The following PNPLA8 variants were observed in gnomAD, a reference collection of about 807,000 sequenced individuals.
PNPLA8 encodes patatin like domain 8, phospholipase A2, also known as calcium-independent phospholipase A2-gamma.
In PNPLA8, 39 loss-of-function variants were observed where a neutral mutation model predicts 76.9. The ratio of observed to expected loss-of-function variants is 0.51; its 90% CI spans 0.39 to 0.66. The LOEUF is 0.66. Ranked by LOEUF, PNPLA8 falls within the 30% of genes least tolerant of loss-of-function variation. The pLI is 0.00. For missense variants in PNPLA8, 887 were observed against 918.0 expected, an observed-to-expected ratio of 0.97 and a Z score of 0.44; for synonymous variants, 301 against 307.9, an observed-to-expected ratio of 0.98 and a Z score of 0.24.
chr7:108,477,984 C>A lies in PNPLA8; in HGVS notation c.2074+1200G>T, dbSNP rs1262678308. ...AGCAAACTGGGTAAGTCAAAGTAAA[C>A]TGGATAAATTCTTGCCTTGCATTCT... On this transcript the variant is annotated intron_variant, in intron 10 of 10. Coordinates refer to ENST00000257694, the MANE Select transcript of PNPLA8 (RefSeq NM_001256007.3). Among the ~76,000 whole-genome samples the A allele has an allele frequency of 2.0e-5, 3 of 152,242 alleles. No individual in the cohort carries two copies. In the East Asian group the frequency reaches 5.8e-4, roughly 29 times the overall value.
Position 108,502,564 on chromosome 7 carries a change from C to T in PNPLA8, c.1285G>A (p.Ala429Thr). 6.2e-7 allele frequency: 1 copy of T among 1,612,328 alleles called. No individual in the cohort carries two copies. The highest frequency in any genetic ancestry group is 8.5e-7 in the Non-Finnish European group (1 of 1,178,814). The change falls in exon 5 of 11, where the codon GCC (alanine) becomes ACC (threonine). Residue 429 changes from alanine (A) to threonine (T), a missense_variant. By Grantham distance (58) the Ala-to-Thr change is moderately conservative. Coordinates refer to ENST00000257694, the MANE Select transcript of PNPLA8 (RefSeq NM_001256007.3). ...ACTGGATCCACATAGCCAATTAGGG[C>T]CAAAATTTCTCTAACTGCAGCCTGA... ...TLQAAVREIL[A>T]LIGYVDPVKG...
chr7:108,526,006 C>G, intron 1 of PNPLA8, 23 bp downstream of exon 1: 2 of 972,632 alleles, frequency 2.1e-6, no homozygotes, highest in Non-Finnish European at 2.4e-6. Context: ...TCGTCCCGCC[C>G]CTGTCCCCTC....
intron 9 of PNPLA8, among the ~76,000 whole-genome samples, chr7:108,487,431 T>A (rs1860813831): frequency 6.6e-6 from 1 of 152,212 alleles, no homozygotes; most frequent in Non-Finnish European, 1.5e-5. Flanking sequence ...GTTCTGCATT[T>A]TCAGGGAGTG....
chr7:108,506,768 A>G (rs1025707317), intron 4 of PNPLA8, among the ~76,000 whole-genome samples: 17 of 152,146 alleles, frequency 1.1e-4, no homozygotes, highest in Admixed American at 1.1e-3. Context: ...ACATGCAAAA[A>G]GAGGCACAAC....
At chr7:108,511,390 G>A (rs1862920080) in intron 4 of PNPLA8, among the ~76,000 whole-genome samples, 1 of 152,184 alleles carries the variant, frequency 6.6e-6, no homozygotes, top group Non-Finnish European at 1.5e-5. Flanking sequence ...TAATTGTCAT[G>A]TGTGTCTTGA....
rs1859569713 is a variant in PNPLA8 at position 108,470,433 on chromosome 7, A to G, written c.*1968T>C. On this transcript the variant is annotated 3_prime_UTR_variant, in exon 11 of 11. Coordinates refer to ENST00000257694, the MANE Select transcript of PNPLA8 (RefSeq NM_001256007.3). The stretch of plus-strand genomic sequence containing the variant: ...AGCCATGGCCAGAGTTCACTTGTGT[A>G]ATGTATTATTTAAGAAAGAAATAAG... The G allele has an allele frequency of 6.6e-6, 1 of 151,790 alleles. No homozygotes were observed. Among genetic ancestry groups the G allele is most frequent in the Admixed American group, 6.6e-5 (1 of 15,086 alleles). The allele number at this position is 151,790 out of a possible 1,614,324, so 9.4% of individuals were successfully genotyped here.
chr7:108,491,567 T>A lies in PNPLA8; in HGVS notation c.1626-100A>T, dbSNP rs1861171407. 1.5e-5 allele frequency: 12 copies of A among 780,788 alleles called. No individual in the cohort carries two copies. In the South Asian group the frequency reaches 1.8e-4, roughly 12 times the overall value. The allele number at this position is 780,788 out of a possible 1,614,324, so 48.4% of individuals were successfully genotyped here. On this transcript the variant is annotated intron_variant, in intron 7 of 10. Transcript: ENST00000257694. ...CAATTACTATTTGTCCATGGCTTTG[T>A]CAAAGTGCTATGAAGGAAAACATGT...
intron 9 of PNPLA8, among the ~76,000 whole-genome samples, chr7:108,481,627 T>C (rs1251439107): frequency 6.6e-6 from 1 of 152,238 alleles, no homozygotes; most frequent in East Asian, 1.9e-4. Context: ...TTCCTGTATG[T>C]CGCTTGTCTC....
chr7:108,510,445 G>A (rs777784328), intron 4 of PNPLA8: 61 of 1,464,742 alleles, frequency 4.2e-5, no homozygotes, highest in Non-Finnish European at 5.0e-5. Flanking sequence ...TTCGAATGGC[G>A]AGGATGGCAA....
intron 7 of PNPLA8, among the ~76,000 whole-genome samples, chr7:108,495,676 A>C (rs1383916078): frequency 6.6e-6 from 1 of 152,216 alleles, no homozygotes; most frequent in Non-Finnish European, 1.5e-5. Flanking sequence ...AAATGTGAGA[A>C]GAAATTTAAA....
intron 4 of PNPLA8, among the ~76,000 whole-genome samples, chr7:108,506,109 G>A (rs184673471): frequency 6.6e-6 from 1 of 152,174 alleles, no homozygotes; most frequent in East Asian, 1.9e-4. Flanking sequence ...TGGGCACAGT[G>A]GCTCACGGCT....
chr7:108,474,087 C>A (rs574047019), intron 10 of PNPLA8, among the ~76,000 whole-genome samples: 5 of 152,164 alleles, frequency 3.3e-5, no homozygotes, highest in African/African-American at 1.2e-4. Context: ...GGGTCAGATG[C>A]ATGTTTTATC....
At chr7:108,519,494 T>G (rs1476823872) in intron 2 of PNPLA8, among the ~76,000 whole-genome samples, 1 of 151,878 alleles carries the variant, frequency 6.6e-6, no homozygotes, top group African/African-American at 2.4e-5. Context: ...GAGAGAGAGG[T>G]AGATGATGCC....
At chr7:108,495,867 G>T (rs966148096) in intron 7 of PNPLA8, among the ~76,000 whole-genome samples, 4 of 152,068 alleles carry the variant, frequency 2.6e-5, no homozygotes, top group Non-Finnish European at 1.5e-5. Flanking sequence ...AGAAGGATAC[G>T]AATTTACAAC....
At chr7:108,526,889 A>T (rs1864117474), upstream of PNPLA8, among the ~76,000 whole-genome samples, 1 of 152,056 alleles carries the variant, frequency 6.6e-6, no homozygotes, top group African/African-American at 2.4e-5. Context: ...TCAAAGGTTA[A>T]AAAAAAAGTT....
intron 10 of PNPLA8, among the ~76,000 whole-genome samples, chr7:108,473,915 G>C (rs1417322623): frequency 3.3e-5 from 5 of 152,048 alleles, no homozygotes; most frequent in Non-Finnish European, 7.4e-5. Context: ...ATATTGACCA[G>C]GCTGGTCTCA....
chr7:108,518,060 G>A (rs563453152), intron 2 of PNPLA8: 1 of 152,416 alleles, frequency 6.6e-6, no homozygotes, highest in East Asian at 1.9e-4. Flanking sequence ...GTTCACAGAT[G>A]GCTGTCTTCT....
intron 4 of PNPLA8, among the ~76,000 whole-genome samples, chr7:108,506,911 T>A (rs1862473572): frequency 6.6e-6 from 1 of 152,202 alleles, no homozygotes; most frequent in Non-Finnish European, 1.5e-5. Flanking sequence ...ATCATGGAAC[T>A]GTAAACTTAC....
intron 4 of PNPLA8, among the ~76,000 whole-genome samples, chr7:108,506,693 C>T (rs369373306): frequency 1.1e-4 from 16 of 150,772 alleles, no homozygotes; most frequent in African/African-American, 3.6e-4. Context: ...AAGGTTCTCA[C>T]AAACATAATA....
Sources: gnomAD v4.1 joint callset for allele counts (sites outside exome capture counted in the v4.1 genomes callset) on GRCh38, gnomAD v4.1.1 for gene constraint, MANE v1.5 for transcripts, NCBI Gene and HGNC (gene_info 2026-07-23, HGNC 2026-07-21) for gene names.